The following LNP1 variants were observed in gnomAD, a reference collection of about 807,000 sequenced individuals.
LNP1 encodes leukemia NUP98 fusion partner 1.
A neutral mutation model predicts 14.5 loss-of-function variants in LNP1; 12 were observed. The ratio of observed to expected loss-of-function variants is 0.83; its 90% CI spans 0.53 to 1.34. The LOEUF (loss-of-function observed/expected upper bound fraction) is 1.34, where lower values mean the gene tolerates loss of function less well. Among genes scored for constraint, LNP1 ranks in the 40% most tolerant of loss-of-function variants. The pLI, the probability that LNP1 is intolerant of heterozygous loss-of-function variation, is 0.00. For synonymous variants in LNP1, 75 were observed against 71.4 expected (o/e 1.05, Z -0.26); for missense variants, 198 against 210.9 (o/e 0.94, Z 0.38).
At chr3:100,409,442 A>G (rs1027888338) in intron 1 of LNP1, among the ~76,000 whole-genome samples, 5 of 151,534 alleles carry the variant, frequency 3.3e-5, no homozygotes, top group African/African-American at 1.2e-4. Flanking sequence ...CAGGAGTTCG[A>G]GGCCAGCCTG....
At chr3:100,409,591 C>CATATAT (rs1370879367) in intron 1 of LNP1, among the ~76,000 whole-genome samples, 1 of 94,996 alleles carries the variant, frequency 1.1e-5, no homozygotes, top group African/African-American at 4.1e-5. Flanking sequence ...CACACACACA[C>CATATAT]ATATATATAT....
chr3:100,406,829 G>A (rs1706972343), intron 1 of LNP1, among the ~76,000 whole-genome samples: 1 of 152,164 alleles, frequency 6.6e-6, no homozygotes, highest in African/African-American at 2.4e-5. Flanking sequence ...CACTTCGCCT[G>A]GCTGATTTTT....
intron 1 of LNP1, among the ~76,000 whole-genome samples, chr3:100,424,869 T>A (rs1026393011): frequency 3.3e-5 from 5 of 152,222 alleles, no homozygotes; most frequent in African/African-American, 1.2e-4. Context: ...CGACACAGTA[T>A]GAAACTAACC....
At chr3:100,434,889 C>T (rs1707279515) in intron 2 of LNP1, among the ~76,000 whole-genome samples, 1 of 150,232 alleles carries the variant, frequency 6.7e-6, no homozygotes, top group Non-Finnish European at 1.5e-5. Context: ...TCCCTCCATG[C>T]TCTCAATTTA....
chr3:100,412,982 T>C (rs1365679801), intron 1 of LNP1, among the ~76,000 whole-genome samples: 1 of 152,236 alleles, frequency 6.6e-6, no homozygotes, highest in East Asian at 1.9e-4. Context: ...TTCTAACTGA[T>C]ATTGTTGTCA....
At chr3:100,433,920 G>GT (rs1298182352) in intron 2 of LNP1, among the ~76,000 whole-genome samples, 1 of 151,730 alleles carries the variant, frequency 6.6e-6, no homozygotes, top group East Asian at 1.9e-4. Context: ...TTGTTTGTTT[G>GT]TTTCTTGTAA....
intron 1 of LNP1, among the ~76,000 whole-genome samples, chr3:100,425,024 A>G (rs1422313740): frequency 6.6e-6 from 1 of 152,208 alleles, no homozygotes; most frequent in Non-Finnish European, 1.5e-5. Flanking sequence ...AGCCCGAGGC[A>G]TCAATTCGAG....
chr3:100,425,019 G>A (rs1002691562), intron 1 of LNP1, among the ~76,000 whole-genome samples: 8 of 152,112 alleles, frequency 5.3e-5, no homozygotes, highest in Non-Finnish European at 1.2e-4. Flanking sequence ...AACCTAGCCC[G>A]AGGCATCAAT....
intron 1 of LNP1, among the ~76,000 whole-genome samples, chr3:100,409,446 C>G (rs1707005058): frequency 6.6e-6 from 1 of 151,258 alleles, no homozygotes; most frequent in African/African-American, 2.4e-5. Context: ...AGTTCGAGGC[C>G]AGCCTGGCCA....
At chr3:100,403,383 G>A (rs1706932053) in intron 1 of LNP1, among the ~76,000 whole-genome samples, 1 of 152,058 alleles carries the variant, frequency 6.6e-6, no homozygotes, top group Admixed American at 6.5e-5. Flanking sequence ...GAACTCAACT[G>A]AAGAAGCTTT....
chr3:100,405,966 G>A (rs1292250271), intron 1 of LNP1, among the ~76,000 whole-genome samples: 1 of 152,022 alleles, frequency 6.6e-6, no homozygotes, highest in Non-Finnish European at 1.5e-5. Context: ...TTTGGTCTAC[G>A]ATATTAGCAC....
rs5851207 is a variant in LNP1, at chr3:100,404,791, C to CTTTT, written c.-34+2366_-34+2369dup. 9.4e-4 allele frequency among the ~76,000 whole-genome samples: 123 copies of CTTTT among 131,258 alleles called. 3 individuals are homozygous for CTTTT. The East Asian group carries it at 0.016, about 17-fold the overall frequency. 86.1% of individuals were successfully genotyped at this position (131,258 alleles called of 152,430 possible). On this transcript the variant is annotated intron_variant, in intron 1 of 3. Transcript: ENST00000383693. ...ACTCATTCTTTCTCTTTGTGTTATC[C>CTTTT]TTTTTTTTTTTTTTTTTCCAAGATG...
intron 2 of LNP1, among the ~76,000 whole-genome samples, chr3:100,437,953 T>G (rs550808147): frequency 6.6e-6 from 1 of 152,314 alleles, no homozygotes; most frequent in Admixed American, 6.5e-5. Context: ...TAGGCAAGAC[T>G]TAGCCTCACT....
At chr3:100,449,164 A>G (rs1487191419) in intron 2 of LNP1, among the ~76,000 whole-genome samples, 1 of 152,232 alleles carries the variant, frequency 6.6e-6, no homozygotes, top group East Asian at 1.9e-4. Flanking sequence ...AGCTTTGGGC[A>G]GAGCCCACAT....
At chr3:100,431,321 C>T (rs1206295094) in intron 2 of LNP1, among the ~76,000 whole-genome samples, 1 of 152,144 alleles carries the variant, frequency 6.6e-6, no homozygotes, top group Non-Finnish European at 1.5e-5. Flanking sequence ...ATGGTGTTTG[C>T]CTTAATCTAT....
chr3:100,442,446 G>A (rs1041080666), intron 2 of LNP1, among the ~76,000 whole-genome samples: 13 of 152,288 alleles, frequency 8.5e-5, no homozygotes, highest in African/African-American at 2.9e-4. Context: ...ATTCTAGGGA[G>A]ACATGAGACA....
intron 1 of LNP1, among the ~76,000 whole-genome samples, chr3:100,413,970 C>G (rs1707056299): frequency 6.6e-6 from 1 of 152,090 alleles, no homozygotes; most frequent in Non-Finnish European, 1.5e-5. Context: ...TGGAAGATAG[C>G]CTTAACTTCA....
chr3:100,407,213 T>A (rs192747219), intron 1 of LNP1, among the ~76,000 whole-genome samples: 5 of 152,322 alleles, frequency 3.3e-5, no homozygotes, highest in African/African-American at 1.2e-4. Context: ...TGTTTCTGTG[T>A]TTATCATTAG....
intron 3 of LNP1, among the ~76,000 whole-genome samples, chr3:100,454,282 T>G (rs1707488003): frequency 6.6e-6 from 1 of 152,324 alleles, no homozygotes; most frequent in South Asian, 2.1e-4. Context: ...AATTATAAAT[T>G]GAATATTTTA....
Sources: allele counts gnomAD v4.1 joint callset (sites outside exome capture counted in the v4.1 genomes callset), GRCh38; gene constraint gnomAD v4.1.1; transcripts MANE v1.5; gene names NCBI Gene and HGNC (gene_info 2026-07-23, HGNC 2026-07-21).